Variants in SH3GL2 observed in about 807,000 individuals in gnomAD.
SH3GL2 encodes SH3 domain containing GRB2 like 2, endophilin A1.
In SH3GL2, 24 loss-of-function variants were observed where a neutral mutation model predicts 46.0. The ratio of observed to expected loss-of-function variants is 0.52; its 90% CI spans 0.38 to 0.73. The LOEUF (loss-of-function observed/expected upper bound fraction) is 0.73. SH3GL2 is among the 30% of genes least tolerant of loss of function. SH3GL2 has a pLI of 0.00. For missense variants in SH3GL2, 413 were observed against 424.2 expected (o/e 0.97, Z 0.23); for synonymous variants, 196 against 147.1 (o/e 1.33, Z -2.40).
At chr9:17,752,344 T>C (rs1822870485) in intron 2 of SH3GL2, among the ~76,000 whole-genome samples, 1 of 152,232 alleles carries the variant, frequency 6.6e-6, no homozygotes, top group Non-Finnish European at 1.5e-5. Flanking sequence ...TTATTAATAG[T>C]TGTAGTTTCT....
intron 1 of SH3GL2, among the ~76,000 whole-genome samples, chr9:17,613,835 A>G (rs1203568046): frequency 1.3e-5 from 2 of 152,174 alleles, no homozygotes; most frequent in African/African-American, 2.4e-5. Context: ...TTGGCAACAC[A>G]AAAAGCTTTC....
Position 17,648,638 on chromosome 9 carries a change from T to TAGTG in SH3GL2, c.45+69353_45+69356dup, listed in dbSNP as rs564489515. Among the ~76,000 whole-genome samples, 31 of 152,308 alleles carry TAGTG rather than the reference T, an allele frequency of 2.0e-4. No individual in the cohort carries two copies. In the East Asian group the frequency reaches 5.8e-3, roughly 28 times the overall value. On this transcript the variant is annotated intron_variant, in intron 1 of 8. Transcript: ENST00000380607. ...ATTTATTTTCTAAAATGTACTGAGG[T>TAGTG]AGTGACTTGACAGAATCAAAGCATC...
At chr9:17,696,888 C>T (rs73645141) in intron 1 of SH3GL2, among the ~76,000 whole-genome samples, 4,365 of 152,282 alleles carry the variant, frequency 0.029, 81 homozygotes, top group African/African-American at 0.045. Flanking sequence ...ATATCCATAA[C>T]CCTCTTACCT....
In SH3GL2 at chr9:17,579,132, G is replaced by T. The variant is rs535205033; in HGVS notation, c.-111G>T. The T allele has an allele frequency of 8.8e-4, 574 of 652,550 alleles. 10 individuals carry two copies. In the South Asian group the frequency reaches 0.014, roughly 16 times the overall value. 40.4% of individuals were successfully genotyped at this position (652,550 alleles called of 1,614,324 possible). A position where few individuals can be genotyped will look rare whatever the true frequency, so the allele number is the denominator to read the frequency against. Reference sequence around the variant, plus strand: ...CCGCGCCCTCGCGCCCATAGCCCCGGCGGCGGCACGACCAGAGGCGGCCAG... The same window carrying T: ...CCGCGCCCTCGCGCCCATAGCCCCGTCGGCGGCACGACCAGAGGCGGCCAG... On this transcript the variant is annotated 5_prime_UTR_variant, in exon 1 of 9. Coordinates refer to ENST00000380607, the MANE Select transcript of SH3GL2 (RefSeq NM_003026.5).
At chr9:17,594,096 TTCTTCTTAAAAC>T (rs1330449621) in intron 1 of SH3GL2, among the ~76,000 whole-genome samples, 2 of 152,194 alleles carry the variant, frequency 1.3e-5, no homozygotes, top group African/African-American at 2.4e-5. Flanking sequence ...AGCATTGTTC[TTCTTCTTAAAAC>T]TCTTCAGTGG....
Position 17,795,646 on chromosome 9 carries a change from A to C in SH3GL2, c.962A>C (p.Asn321Thr). ...GAGGGCGATATCATCACACTCACTA[A>C]CCAAATTGATGAGAACTGGTATGAG... ...FKEGDIITLTNQIDENWYEGM... is the reference protein window; with the variant it reads ...FKEGDIITLTTQIDENWYEGM... Residue 321 changes from asparagine to threonine, a missense_variant, in exon 9 of 9, where the codon AAC becomes ACC. By Grantham distance (65) the Asn-to-Thr change is moderately conservative. Around this residue, in one of 3 missense-constraint regions of SH3GL2, gnomAD observed 248 missense variants for 215.0 expected, o/e 1.15. Transcript: ENST00000380607. 6.2e-7 allele frequency: 1 copy of C among 1,614,012 alleles called. No homozygotes were observed. The highest frequency in any genetic ancestry group is 8.5e-7 in the Non-Finnish European group (1 of 1,179,904).
chr9:17,690,242 A>C (rs558617855), intron 1 of SH3GL2, among the ~76,000 whole-genome samples: 1 of 152,264 alleles, frequency 6.6e-6, no homozygotes, highest in Non-Finnish European at 1.5e-5. Flanking sequence ...TGGGATAAAC[A>C]TGTGTTTCTG....
chr9:17,693,079 A>C (rs1821122573), intron 1 of SH3GL2, among the ~76,000 whole-genome samples: 1 of 152,162 alleles, frequency 6.6e-6, no homozygotes. Context: ...AAACCATATC[A>C]AATAGTGTTT....
intron 1 of SH3GL2, among the ~76,000 whole-genome samples, chr9:17,585,330 A>G (rs58807223): frequency 0.089 from 13,477 of 152,212 alleles, 1,700 homozygotes; most frequent in African/African-American, 0.28. Context: ...ATTCTTCTCA[A>G]TTTAAGGCCA....
rs964647198 is a variant in SH3GL2, at chr9:17,787,516, A to G, written c.465+3A>G. On this transcript the variant is annotated splice_donor_region_variant and intron_variant, in intron 5 of 8. Transcript: ENST00000380607. ...ACAAAGATCTTAGGGAAATTCAAGT[A>G]TGTACAATGAGTCTTCTGGAAAGTG... 6 of 1,611,282 alleles carry G rather than the reference A, an allele frequency of 3.7e-6. No homozygotes were observed. Among genetic ancestry groups the G allele is most frequent in the Non-Finnish European group, 5.1e-6 (6 of 1,178,088 alleles).
intron 1 of SH3GL2, among the ~76,000 whole-genome samples, chr9:17,627,973 G>T (rs1223147472): frequency 6.6e-6 from 1 of 152,178 alleles, no homozygotes; most frequent in Non-Finnish European, 1.5e-5. Flanking sequence ...TGGTGTTGTT[G>T]AGTGTAGAGT....
chr9:17,727,427 T>C (rs1412804940), intron 1 of SH3GL2, among the ~76,000 whole-genome samples: 1 of 152,138 alleles, frequency 6.6e-6, no homozygotes, highest in Non-Finnish European at 1.5e-5. Context: ...TTTAAAATAT[T>C]TCTATTTGCT....
At chr9:17,610,176 A>G (rs1042316039) in intron 1 of SH3GL2, among the ~76,000 whole-genome samples, 1 of 152,216 alleles carries the variant, frequency 6.6e-6, no homozygotes, top group Non-Finnish European at 1.5e-5. Flanking sequence ...TCCTCAGGGT[A>G]TTGCAAGAAT....
At chr9:17,746,004 C>G (rs1226968339) in intron 1 of SH3GL2, among the ~76,000 whole-genome samples, 1 of 152,152 alleles carries the variant, frequency 6.6e-6, no homozygotes, top group Non-Finnish European at 1.5e-5. Flanking sequence ...TTTGATAAAA[C>G]CAGAGTATCT....
intron 1 of SH3GL2, among the ~76,000 whole-genome samples, chr9:17,581,169 G>C (rs1818270578): frequency 6.6e-6 from 1 of 152,196 alleles, no homozygotes; most frequent in Non-Finnish European, 1.5e-5. Flanking sequence ...AGTTACCCAA[G>C]CTAGACCTTT....
At chr9:17,616,649 G>A (rs1404549263) in intron 1 of SH3GL2, among the ~76,000 whole-genome samples, 1 of 152,026 alleles carries the variant, frequency 6.6e-6, no homozygotes, top group Admixed American at 6.5e-5. Context: ...TATTGTTACT[G>A]CCTTATCAAA....
chr9:17,600,195 A>G (rs1818643623), intron 1 of SH3GL2, among the ~76,000 whole-genome samples: 2 of 152,206 alleles, frequency 1.3e-5, no homozygotes, highest in African/African-American at 4.8e-5. Flanking sequence ...AGTTTATTCT[A>G]CAGCACAAAG....
chr9:17,753,362 C>T (rs1822901622), intron 2 of SH3GL2, among the ~76,000 whole-genome samples: 1 of 152,178 alleles, frequency 6.6e-6, no homozygotes, highest in African/African-American at 2.4e-5. Flanking sequence ...ACAACCTTGT[C>T]AGCATCTGTT....
At chr9:17,769,917 G>T (rs1682812931) in intron 3 of SH3GL2, among the ~76,000 whole-genome samples, 1 of 152,160 alleles carries the variant, frequency 6.6e-6, no homozygotes, top group Admixed American at 6.5e-5. Flanking sequence ...AGTCATTGAA[G>T]ACAAGGACTA....
Sources: allele counts gnomAD v4.1 joint callset (sites outside exome capture counted in the v4.1 genomes callset), GRCh38; gene constraint gnomAD v4.1.1; regional missense constraint gnomAD v4.1.1; transcripts MANE v1.5; gene names NCBI Gene and HGNC (gene_info 2026-07-23, HGNC 2026-07-21).